Variants in MYO1B observed in about 807,000 individuals in gnomAD.
The protein encoded by MYO1B is unconventional myosin-Ib.
MYO1B carries 72 observed loss-of-function variants against 159.7 expected under a neutral mutation model. The ratio of observed to expected loss-of-function variants is 0.45; its 90% CI spans 0.37 to 0.55. The LOEUF is 0.55. Ranked by LOEUF, MYO1B falls within the 20% of genes least tolerant of loss-of-function variation. The probability of loss-of-function intolerance (pLI) is 0.00; values close to 1 mark genes in which losing one functional copy is unlikely to be tolerated. For synonymous variants in MYO1B, 468 were observed against 473.8 expected, an observed-to-expected ratio of 0.99 and a Z score of 0.16; for missense variants, 1,062 against 1,364.8, an observed-to-expected ratio of 0.78 and a Z score of 3.50.
At position 191,372,470 on chromosome 2, in the gene MYO1B, T is replaced by TA. The variant is rs1694421027; in HGVS notation, c.1185+2178_1185+2179insA. Among the ~76,000 whole-genome samples the TA allele has an allele frequency of 2.6e-5, 4 of 152,290 alleles. No homozygotes were observed. The South Asian group carries it at 8.3e-4, about 32-fold the overall frequency. On this transcript the variant is annotated intron_variant, in intron 13 of 30. Coordinates refer to ENST00000392318, the MANE Select transcript of MYO1B (RefSeq NM_001130158.3). ...ACAATTCGAGTCATTTCTCAAGTGT[T>TA]TATTGAGTTACCAGATACCAGTAGT...
chr2:191,408,247 T>G, intron 25 of MYO1B, 58 bp downstream of exon 25: 1 of 1,222,988 alleles, frequency 8.2e-7, no homozygotes, highest in South Asian at 1.3e-5. Flanking sequence ...CCACCTAATA[T>G]CACCAACTCC....
chr2:191,273,635 G>C (rs1687588171), intron 1 of MYO1B, among the ~76,000 whole-genome samples: 2 of 152,290 alleles, frequency 1.3e-5, no homozygotes, highest in South Asian at 4.1e-4. Context: ...ACACTGGCTA[G>C]AAGATGAGAA....
intron 1 of MYO1B, among the ~76,000 whole-genome samples, chr2:191,252,864 G>A (rs13408113): frequency 0.022 from 3,360 of 152,214 alleles, 120 homozygotes; most frequent in African/African-American, 0.076. Flanking sequence ...TTGGATTCTA[G>A]AGCATCACCT....
intron 3 of MYO1B, among the ~76,000 whole-genome samples, chr2:191,320,137 T>A (rs1690607460): frequency 6.6e-6 from 1 of 152,152 alleles, no homozygotes; most frequent in Non-Finnish European, 1.5e-5. Flanking sequence ...AGTATTCCTC[T>A]CATGCTTTGG....
intron 24 of MYO1B, among the ~76,000 whole-genome samples, chr2:191,405,961 A>G (rs992256407): frequency 6.6e-5 from 10 of 152,246 alleles, no homozygotes; most frequent in Admixed American, 6.5e-4. Context: ...CTCTCTAGCT[A>G]TGAAAGTCTA....
chr2:191,259,078 C>T (rs4853462), intron 1 of MYO1B, among the ~76,000 whole-genome samples: 1 of 152,166 alleles, frequency 6.6e-6, no homozygotes, highest in East Asian at 1.9e-4. Flanking sequence ...CCAGCTTTAC[C>T]GTTTGCTGTC....
intron 3 of MYO1B, among the ~76,000 whole-genome samples, chr2:191,320,770 A>G (rs1409836633): frequency 6.6e-6 from 1 of 152,074 alleles, no homozygotes; most frequent in African/African-American, 2.4e-5. Context: ...CAGCCCTGTG[A>G]GGCTTCAAGC....
intron 3 of MYO1B, among the ~76,000 whole-genome samples, chr2:191,324,349 G>T (rs1574428428): frequency 6.7e-6 from 1 of 149,636 alleles, no homozygotes; most frequent in East Asian, 2.0e-4. Flanking sequence ...GGCTTCTTTT[G>T]GATTATTTGA....
chr2:191,387,429 C>T lies in MYO1B; in HGVS notation c.1760C>T (p.Thr587Ile), dbSNP rs1695461195. ...GCCACTCTGATGAAAAACCTACAGA[C>T]CAAGAACCCAAACTATATTAGGTAT... ...SVATLMKNLQ[T>I]KNPNYIRCIK... is the part of the protein sequence containing the mutation. The change falls in exon 17 of 31, where the codon ACC (threonine) becomes ATC (isoleucine). Residue 587 changes from threonine (T) to isoleucine (I), a missense_variant. Coordinates refer to ENST00000392318, the MANE Select transcript of MYO1B (RefSeq NM_001130158.3). The T allele has an allele frequency of 6.2e-7, 1 of 1,614,018 alleles. No individual in the cohort carries two copies. The highest frequency in any genetic ancestry group is 1.3e-5 in the African/African-American group (1 of 74,894).
chr2:191,380,485 G>A (rs890700208), intron 13 of MYO1B, among the ~76,000 whole-genome samples: 19 of 152,152 alleles, frequency 1.2e-4, no homozygotes, highest in African/African-American at 3.9e-4. Flanking sequence ...ATCTTTGGGC[G>A]ATAAAGAAAA....
At chr2:191,336,865 GT>G (rs1277255008) in intron 4 of MYO1B, among the ~76,000 whole-genome samples, 1 of 152,082 alleles carries the variant, frequency 6.6e-6, no homozygotes, top group Non-Finnish European at 1.5e-5. Context: ...AAACTTTGGT[GT>G]CTTAACTAGA....
intron 30 of MYO1B, among the ~76,000 whole-genome samples, chr2:191,417,384 G>T (rs900275119): frequency 6.6e-6 from 1 of 152,134 alleles, no homozygotes; most frequent in Non-Finnish European, 1.5e-5. Context: ...ATAATGGTTG[G>T]TGTGTTTCAG....
chr2:191,317,286 C>G (rs1690414644), intron 3 of MYO1B, among the ~76,000 whole-genome samples: 1 of 152,096 alleles, frequency 6.6e-6, no homozygotes, highest in African/African-American at 2.4e-5. Flanking sequence ...CAAAGGGGAC[C>G]TAGAGAACTG....
intron 18 of MYO1B, 44 bp downstream of exon 18, chr2:191,390,536 G>T (rs1316863409): frequency 1.3e-6 from 2 of 1,567,178 alleles, no homozygotes; most frequent in South Asian, 2.3e-5. Context: ...TGTTTTAAGT[G>T]GTCAAATAAT....
At chr2:191,267,888 T>C (rs1239761377) in intron 1 of MYO1B, among the ~76,000 whole-genome samples, 2 of 152,236 alleles carry the variant, frequency 1.3e-5, no homozygotes, top group Non-Finnish European at 2.9e-5. Flanking sequence ...TTGCCAGTTA[T>C]GACCTGGAGT....
intron 13 of MYO1B, among the ~76,000 whole-genome samples, chr2:191,378,818 A>G (rs1694871193): frequency 6.6e-6 from 1 of 152,140 alleles, no homozygotes; most frequent in African/African-American, 2.4e-5. Context: ...AGTGGGAGAG[A>G]TTCAACTGAA....
At chr2:191,321,915 C>T (rs1486694293) in intron 3 of MYO1B, among the ~76,000 whole-genome samples, 1 of 152,114 alleles carries the variant, frequency 6.6e-6, no homozygotes, top group Admixed American at 6.5e-5. Flanking sequence ...CGCCTCTTAC[C>T]TCATGAGTAT....
At chr2:191,308,005 TA>T (rs1689756023) in intron 3 of MYO1B, among the ~76,000 whole-genome samples, 1 of 152,062 alleles carries the variant, frequency 6.6e-6, no homozygotes, top group Non-Finnish European at 1.5e-5. Context: ...CAAATTTTTG[TA>T]ACCCAATCTC....
At chr2:191,312,287 G>C (rs2125864522) in intron 3 of MYO1B, among the ~76,000 whole-genome samples, 1 of 152,094 alleles carries the variant, frequency 6.6e-6, no homozygotes, top group East Asian at 1.9e-4. Context: ...AAATCCCACT[G>C]TTTGCTTCAT....
Sources: allele counts gnomAD v4.1 joint callset (sites outside exome capture counted in the v4.1 genomes callset), GRCh38; gene constraint gnomAD v4.1.1; transcripts MANE v1.5; gene names NCBI Gene and HGNC (gene_info 2026-07-23, HGNC 2026-07-21).